Variants in PDE10A observed in about 807,000 individuals in gnomAD.
The protein encoded by PDE10A is phosphodiesterase 10A.
PDE10A carries 39 observed loss-of-function variants against 97.7 expected under a neutral mutation model. The ratio of observed to expected loss-of-function variants is 0.40; its 90% confidence interval spans 0.31 to 0.52. PDE10A has a LOEUF of 0.52. PDE10A is among the 20% of genes least tolerant of loss of function. PDE10A has a pLI of 0.56. For synonymous variants in PDE10A, 371 were observed against 376.8 expected, an observed-to-expected ratio of 0.98 and a Z score of 0.18; for missense variants, 731 against 1,047.8, an observed-to-expected ratio of 0.70 and a Z score of 4.17.
At chr6:165,357,868 T>G (rs919354076) in intron 18 of PDE10A, among the ~76,000 whole-genome samples, 1 of 152,110 alleles carries the variant, frequency 6.6e-6, no homozygotes, top group African/African-American at 2.4e-5. Context: ...CCAGATTATT[T>G]ACTTCCCACA....
At chr6:165,532,197 T>C (rs1782819651) in intron 2 of PDE10A, among the ~76,000 whole-genome samples, 1 of 152,020 alleles carries the variant, frequency 6.6e-6, no homozygotes, top group African/African-American at 2.4e-5. Flanking sequence ...AGAAAGTCAA[T>C]CACAGGAGCT....
intron 1 of PDE10A, among the ~76,000 whole-genome samples, chr6:165,790,999 C>T (rs542671887): frequency 5.3e-4 from 81 of 152,196 alleles, no homozygotes; most frequent in African/African-American, 1.9e-3. Context: ...TCAGTAACTC[C>T]TTATTTCTCC....
chr6:165,951,739 T>C (rs1422546197), intron 1 of PDE10A, among the ~76,000 whole-genome samples: 1 of 152,150 alleles, frequency 6.6e-6, no homozygotes. Flanking sequence ...TAGGCTCCTC[T>C]CCCACTGCCC....
chr6:165,823,972 A>G (rs1047205909), intron 1 of PDE10A, among the ~76,000 whole-genome samples: 22 of 152,334 alleles, frequency 1.4e-4, no homozygotes, highest in African/African-American at 4.6e-4. Flanking sequence ...CTACATAAAA[A>G]GGTTTCATTG....
At chr6:165,403,134 G>A (rs546417116) in intron 13 of PDE10A, among the ~76,000 whole-genome samples, 15 of 152,214 alleles carry the variant, frequency 9.9e-5, no homozygotes, top group South Asian at 6.2e-4. Flanking sequence ...GGAATAACAC[G>A]GGGAAAGGCT....
At chr6:165,472,837 T>C (rs1021468214) in intron 3 of PDE10A, among the ~76,000 whole-genome samples, 3 of 152,180 alleles carry the variant, frequency 2.0e-5, no homozygotes, top group Non-Finnish European at 2.9e-5. Flanking sequence ...TCATACCATT[T>C]ACACGTGAAA....
chr6:165,392,455 T>C (rs577916598), intron 16 of PDE10A, among the ~76,000 whole-genome samples, 191 bp downstream of exon 16: 2 of 152,350 alleles, frequency 1.3e-5, no homozygotes, highest in East Asian at 1.9e-4. Flanking sequence ...TTCTTTTATC[T>C]ACATTTCTTA....
At chr6:165,344,532 G>A (rs894951532) in intron 18 of PDE10A, among the ~76,000 whole-genome samples, 24 of 152,176 alleles carry the variant, frequency 1.6e-4, no homozygotes, top group Middle Eastern at 3.4e-3. Context: ...CTCCAACTGC[G>A]GGCACAGTCC....
intron 1 of PDE10A, among the ~76,000 whole-genome samples, chr6:165,784,619 G>A (rs6927713): frequency 0.51 from 77,025 of 152,042 alleles, 20,044 homozygotes; most frequent in Middle Eastern, 0.59. Flanking sequence ...ATGGACAGCC[G>A]GCATCTCTGA....
intron 1 of PDE10A, among the ~76,000 whole-genome samples, chr6:165,732,980 A>T (rs1792477748): frequency 1.3e-5 from 2 of 152,236 alleles, no homozygotes; most frequent in African/African-American, 4.8e-5. Context: ...TCCTAGTGAC[A>T]GTTCTCTGGG....
At chr6:165,725,856 T>G (rs961616181) in intron 1 of PDE10A, among the ~76,000 whole-genome samples, 2 of 152,036 alleles carry the variant, frequency 1.3e-5, no homozygotes, top group Non-Finnish European at 2.9e-5. Flanking sequence ...CTCCATGCCA[T>G]CCTCAGCAAA....
intron 1 of PDE10A, among the ~76,000 whole-genome samples, chr6:165,697,328 C>A (rs767231992): frequency 6.6e-6 from 1 of 151,956 alleles, no homozygotes; most frequent in Non-Finnish European, 1.5e-5. Context: ...ACAATGGAGG[C>A]CAGAAAGCCA....
At chr6:165,336,412 A>G (rs1781651048) in intron 20 of PDE10A, among the ~76,000 whole-genome samples, 1 of 152,222 alleles carries the variant, frequency 6.6e-6, no homozygotes, top group South Asian at 2.1e-4. Context: ...GGATTCTAGA[A>G]ATAAAACACA....
chr6:165,610,973 A>T (rs757167116), intron 1 of PDE10A, among the ~76,000 whole-genome samples: 1 of 151,920 alleles, frequency 6.6e-6, no homozygotes, highest in Non-Finnish European at 1.5e-5. Flanking sequence ...AAAGCCTTCC[A>T]ATCGGGAGAG....
chr6:165,361,493 G>A (rs1783422155), intron 18 of PDE10A, among the ~76,000 whole-genome samples: 1 of 152,218 alleles, frequency 6.6e-6, no homozygotes, highest in Non-Finnish European at 1.5e-5. Flanking sequence ...AGTCCTGACA[G>A]TTCCTCAGAA....
At chr6:165,833,175 A>G (rs748295143) in intron 1 of PDE10A, among the ~76,000 whole-genome samples, 1 of 152,360 alleles carries the variant, frequency 6.6e-6, no homozygotes, top group East Asian at 1.9e-4. Context: ...AGGACACTAC[A>G]CAATGAAATT....
chr6:165,424,493 C>CT (rs139165529), intron 10 of PDE10A, among the ~76,000 whole-genome samples: 31,863 of 152,014 alleles, frequency 0.21, 3,670 homozygotes, highest in Middle Eastern at 0.36. Context: ...AGATCTACCC[C>CT]AATAAGACTC....
Position 165,892,813 on chromosome 6 carries a change from G to A in PDE10A, c.-615+94716C>T, listed in dbSNP as rs559668792. Among the ~76,000 whole-genome samples, 7 of 152,334 alleles carry A rather than the reference G, an allele frequency of 4.6e-5. No individual in the cohort carries two copies. In the South Asian group the frequency reaches 1.2e-3, roughly 27 times the overall value. On this transcript the variant is annotated intron_variant, in intron 1 of 19. Transcript: ENST00000366882. ...CACTGTTGTCTCCATCAAGTTAAAA[G>A]GGTCTTGGGCAATCATTCTGTCCAA...
At chr6:165,360,370 T>C (rs141113491) in intron 18 of PDE10A, among the ~76,000 whole-genome samples, 6 of 152,334 alleles carry the variant, frequency 3.9e-5, no homozygotes, top group African/African-American at 9.6e-5. Context: ...TACCCAGTGC[T>C]GCTATAAGGC....
Sources: allele counts gnomAD v4.1 joint callset (sites outside exome capture counted in the v4.1 genomes callset), GRCh38; gene constraint gnomAD v4.1.1; transcripts MANE v1.5; gene names NCBI Gene and HGNC (gene_info 2026-07-23, HGNC 2026-07-21).